MBOAT1: variants seen among roughly 807,000 people sequenced by gnomAD.
MBOAT1 encodes the protein membrane-bound glycerophospholipid O-acyltransferase 1.
In MBOAT1, 67 loss-of-function variants were observed where a neutral mutation model predicts 64.4. The ratio of observed to expected loss-of-function variants is 1.04; its 90% CI spans 0.85 to 1.27. The LOEUF (loss-of-function observed/expected upper bound fraction) is 1.27, where lower values mean the gene tolerates loss of function less well. MBOAT1 is among the 50% of genes most tolerant of loss of function. MBOAT1 has a pLI of 0.00. For synonymous variants in MBOAT1, 229 were observed against 218.9 expected (o/e 1.05, Z -0.41); for missense variants, 563 against 604.6 (o/e 0.93, Z 0.72).
chr6:20,156,972 G>T (rs1041069325), intron 1 of MBOAT1, among the ~76,000 whole-genome samples: 2 of 152,064 alleles, frequency 1.3e-5, no homozygotes, highest in Admixed American at 6.6e-5. Context: ...CAATAGAAAA[G>T]TATGCCATCA....
rs73732815 is a variant in MBOAT1 at position 20,144,435 on chromosome 6, C to G, written c.324-120G>C. ...AGTTGGTCACAATGTCCTATCTGGT[C>G]TGACGACATCCCAGGCCACCTTTCC... is the stretch of plus-strand genomic sequence containing the variant. On this transcript the variant is annotated intron_variant, in intron 3 of 12. Transcript: ENST00000324607. 5,119 of 669,208 alleles carry G rather than the reference C, an allele frequency of 7.6e-3. 195 individuals are homozygous for G. The African/African-American group carries it at 0.078, about 10-fold the overall frequency. The allele number at this position is 669,208 out of a possible 1,614,324, so 41.5% of individuals were successfully genotyped here.
At chr6:20,141,251 T>C (rs890211711) in intron 4 of MBOAT1, among the ~76,000 whole-genome samples, 1 of 152,110 alleles carries the variant, frequency 6.6e-6, no homozygotes. Flanking sequence ...CTTTTCTGCA[T>C]TGTACAGTGG....
Position 20,112,820 on chromosome 6 carries a change from A to G in MBOAT1, c.1209+56T>C. 3 of 1,574,624 alleles carry G rather than the reference A, an allele frequency of 1.9e-6. No individual in the cohort carries two copies. In the South Asian group the frequency reaches 3.6e-5, roughly 19 times the overall value. ...CCCTACTAGGACCCAACAGATAACA[A>G]ACATGCAGGCATCAGATTACTAAGG... On this transcript the variant is annotated intron_variant, in intron 11 of 12. Transcript: ENST00000324607.
intron 8 of MBOAT1, among the ~76,000 whole-genome samples, chr6:20,123,488 T>C (rs559011478): frequency 5.9e-5 from 9 of 152,110 alleles, no homozygotes; most frequent in Non-Finnish European, 1.3e-4. Flanking sequence ...TAAAGCTTTA[T>C]GCAACTGCAG....
rs1762073418 is a variant in MBOAT1, at chr6:20,168,490, AC to A, written c.100-15722del. 1.0e-4 allele frequency among the ~76,000 whole-genome samples: 12 copies of A among 119,988 alleles called. No homozygotes were observed. The South Asian group carries it at 1.2e-3, about 12-fold the overall frequency. The allele number at this position is 119,988 out of a possible 152,430, so 78.7% of individuals were successfully genotyped here. The stretch of plus-strand genomic sequence containing the variant: ...GACAGAGACAGAGACAGAGACAGAG[AC>A]AGAGAGAGAGAGAGAGGAGAGGAGA... On this transcript the variant is annotated intron_variant, in intron 1 of 12. Transcript: ENST00000324607.
At chr6:20,151,349 T>C in intron 2 of MBOAT1, 87 bp from the exon 3 acceptor site, 1 of 865,530 alleles carries the variant, frequency 1.2e-6, no homozygotes. Flanking sequence ...AATCCATCAC[T>C]ACCCCTGCCA....
intron 1 of MBOAT1, among the ~76,000 whole-genome samples, chr6:20,200,466 T>G (rs55645592): frequency 0.018 from 2,746 of 152,256 alleles, 82 homozygotes; most frequent in African/African-American, 0.062. Context: ...GAGATGGGGA[T>G]ATCAAGAATT....
chr6:20,159,122 A>C (rs188956101), intron 1 of MBOAT1, among the ~76,000 whole-genome samples: 135 of 152,228 alleles, frequency 8.9e-4, no homozygotes, highest in Middle Eastern at 3.4e-3. Context: ...CTGCACTCCC[A>C]TGCTCACTGC....
intron 1 of MBOAT1, among the ~76,000 whole-genome samples, chr6:20,211,380 G>T (rs999349120): frequency 3.3e-5 from 5 of 152,196 alleles, no homozygotes; most frequent in South Asian, 4.1e-4. Context: ...GTATCCCGCA[G>T]ATCTAGCCTG....
chr6:20,149,031 G>A (rs1307846032), intron 3 of MBOAT1, among the ~76,000 whole-genome samples: 4 of 151,442 alleles, frequency 2.6e-5, no homozygotes, highest in South Asian at 4.2e-4. Flanking sequence ...AACCCGGGAG[G>A]TGGAGGTTGC....
In MBOAT1 at chr6:20,152,685, C is replaced by T. The variant is rs376945347; in HGVS notation, c.184G>A (p.Asp62Asn). ...ATGGTGGCAACCGCATGCCGGACAT[C>T]AGAGCTGGTTGTACCAGGACGTAAG... ...IYLRPGTTSS[D>N]VRHAVATIFG... Residue 62 changes from aspartate (D) to asparagine (N), a missense_variant, in exon 2 of 13, where the codon GAT (aspartate) becomes AAT (asparagine). Coordinates refer to ENST00000324607, the MANE Select transcript of MBOAT1 (RefSeq NM_001080480.3). 1.1e-4 allele frequency: 181 copies of T among 1,612,016 alleles called. No individual in the cohort carries two copies. Among genetic ancestry groups the T allele is most frequent in the Middle Eastern group, 1.6e-4 (1 of 6,084 alleles).
intron 1 of MBOAT1, among the ~76,000 whole-genome samples, chr6:20,210,462 C>T (rs994466690): frequency 2.0e-5 from 3 of 152,124 alleles, no homozygotes; most frequent in Non-Finnish European, 4.4e-5. Flanking sequence ...CTTCTTCCAC[C>T]AAGGGTCATC....
chr6:20,167,009 C>G (rs1411211730), intron 1 of MBOAT1, among the ~76,000 whole-genome samples: 1 of 151,990 alleles, frequency 6.6e-6, no homozygotes, highest in African/African-American at 2.4e-5. Context: ...AAAAGAAACC[C>G]ATTGTGGTCA....
chr6:20,128,623 G>C, intron 6 of MBOAT1, 76 bp downstream of exon 6: 2 of 1,037,232 alleles, frequency 1.9e-6, no homozygotes, highest in East Asian at 2.5e-5. Flanking sequence ...TTAATGTGTA[G>C]ATATTTTTAA....
At chr6:20,132,358 A>G (rs1296367361) in intron 4 of MBOAT1, among the ~76,000 whole-genome samples, 1 of 152,228 alleles carries the variant, frequency 6.6e-6, no homozygotes, top group Non-Finnish European at 1.5e-5. Flanking sequence ...AAAGTAGAAG[A>G]TACATTTGTA....
At chr6:20,204,478 A>T (rs529963276) in intron 1 of MBOAT1, among the ~76,000 whole-genome samples, 1 of 152,302 alleles carries the variant, frequency 6.6e-6, no homozygotes, top group East Asian at 1.9e-4. Context: ...AATATCTAAG[A>T]AGTAAAGTAA....
chr6:20,203,363 GA>G (rs1763175850), intron 1 of MBOAT1, among the ~76,000 whole-genome samples: 1 of 151,538 alleles, frequency 6.6e-6, no homozygotes, highest in Non-Finnish European at 1.5e-5. Context: ...TGCACACAAT[GA>G]AAATGGGAAT....
chr6:20,160,270 G>A (rs896227470), intron 1 of MBOAT1, among the ~76,000 whole-genome samples: 3 of 152,164 alleles, frequency 2.0e-5, no homozygotes, highest in African/African-American at 7.2e-5. Flanking sequence ...CAACAAAACA[G>A]CACACTTTGC....
At chr6:20,134,531 T>G in intron 4 of MBOAT1, among the ~76,000 whole-genome samples, 1 of 152,206 alleles carries the variant, frequency 6.6e-6, no homozygotes. Flanking sequence ...ATTCACATAC[T>G]CACATATGAC....
Sources: allele counts gnomAD v4.1 joint callset (sites outside exome capture counted in the v4.1 genomes callset), GRCh38; gene constraint gnomAD v4.1.1; transcripts MANE v1.5; gene names NCBI Gene and HGNC (gene_info 2026-07-23, HGNC 2026-07-21).